Variants in JAML observed in about 807,000 individuals in gnomAD.
JAML encodes the protein junction adhesion molecule like, also known as junctional adhesion molecule-like.
Under a neutral mutation model 39.3 loss-of-function variants are expected in JAML, and 25 were observed. That is an observed-to-expected ratio of 0.64 (90% CI 0.46 to 0.89). JAML has a LOEUF of 0.89. Ranked by LOEUF, JAML falls within the 40% of genes least tolerant of loss-of-function variation. The pLI is 0.00. For synonymous variants in JAML, 162 were observed against 179.2 expected, an observed-to-expected ratio of 0.90 and a Z score of 0.77; for missense variants, 440 against 486.9, an observed-to-expected ratio of 0.90 and a Z score of 0.91.
rs1948761678 is a variant in JAML, at chr11:118,200,474, C to T, written c.911G>A (p.Ser304Asn). 1 of 1,614,046 alleles carries T rather than the reference C, an allele frequency of 6.2e-7. No individual in the cohort carries two copies. The highest frequency in any genetic ancestry group is 1.3e-5 in the African/African-American group (1 of 75,012). Reference protein sequence around the residue: ...LIVKKTCGNKSSVNSTVLVKN... With the variant: ...LIVKKTCGNKNSVNSTVLVKN... ...CCAAGGGGTGGGGGTAGCCCTGTAC[C>T]TCTTATTTCCACAGGTCTTCTTCAC... Residue 304 changes from serine to asparagine, a missense_variant and splice_region_variant, in exon 7 of 10, where the codon AGT becomes AAT. Transcript: ENST00000356289.
chr11:118,196,996 A>T (rs1422495464), intron 8 of JAML, 175 bp from the exon 9 acceptor site: 2 of 568,700 alleles, frequency 3.5e-6, no homozygotes, highest in Non-Finnish European at 6.3e-6. Flanking sequence ...TCTTCTTGAA[A>T]ATTAACTGTC....
chr11:118,196,132 CTT>C (rs748213507), intron 9 of JAML, among the ~76,000 whole-genome samples: 30 of 131,922 alleles, frequency 2.3e-4, no homozygotes, highest in Admixed American at 5.4e-4. Flanking sequence ...CATGCTCGGC[CTT>C]TTTTTTTTTT....
intron 3 of JAML, among the ~76,000 whole-genome samples, chr11:118,210,992 G>A (rs1024402162): frequency 3.3e-5 from 5 of 152,142 alleles, no homozygotes; most frequent in Admixed American, 3.3e-4. Flanking sequence ...ATCACTCTAC[G>A]GTTTTTAACT....
intron 5 of JAML, chr11:118,204,763 C>T (rs977475799): frequency 6.6e-6 from 1 of 152,102 alleles, no homozygotes. Context: ...GTATCTCCTC[C>T]ATCTTGGTTG....
intron 4 of JAML, chr11:118,209,162 GT>G: frequency 3.2e-6 from 1 of 309,226 alleles, no homozygotes; most frequent in Non-Finnish European, 6.4e-6. Flanking sequence ...GCCTCCTTTG[GT>G]TACAGTCTCA....
rs1386814404 is a variant in JAML at position 118,213,160 on chromosome 11, C to T, written c.44-599G>A. ...CCCCTCCAGCTTTGCCATCAGCTTT[C>T]CAGCCTCTAGGTGCTTCACACAGGG... is the stretch of plus-strand genomic sequence containing the variant. On this transcript the variant is annotated intron_variant, in intron 2 of 9. Coordinates refer to ENST00000356289, the MANE Select transcript of JAML (RefSeq NM_001098526.2). 10 of 1,411,854 alleles carry T rather than the reference C, an allele frequency of 7.1e-6. No individual in the cohort carries two copies. In the East Asian group the frequency reaches 2.1e-4, roughly 29 times the overall value. The allele number at this position is 1,411,854 out of a possible 1,614,324, so 87.5% of individuals were successfully genotyped here.
At chr11:118,194,750 CTACATT>C (rs1948618612) in intron 9 of JAML, among the ~76,000 whole-genome samples, 1 of 152,198 alleles carries the variant, frequency 6.6e-6, no homozygotes, top group South Asian at 2.1e-4. Context: ...CAAGGTGCCA[CTACATT>C]TACATGAATT....
At chr11:118,213,285 A>G (rs939051913) in intron 2 of JAML, 16 of 1,081,354 alleles carry the variant, frequency 1.5e-5, no homozygotes, top group African/African-American at 5.0e-5. Context: ...GATATGCTCT[A>G]TGCAAAGAGA....
At chr11:118,194,808 C>T (rs1338736929) in intron 9 of JAML, among the ~76,000 whole-genome samples, 1 of 152,230 alleles carries the variant, frequency 6.6e-6, no homozygotes. Context: ...TTTGTTACCC[C>T]TGCTCCCTAT....
chr11:118,212,279 G>A, intron 3 of JAML, 128 bp downstream of exon 3: 2 of 1,200,664 alleles, frequency 1.7e-6, no homozygotes, highest in Non-Finnish European at 2.3e-6. Context: ...GCCCAGTTCT[G>A]ATAATCTCCA....
In JAML at chr11:118,222,752, C is replaced by T. The variant is rs918959347; in HGVS notation, c.-21+2189G>A. On this transcript the variant is annotated intron_variant, in intron 1 of 9. Coordinates refer to ENST00000356289, the MANE Select transcript of JAML (RefSeq NM_001098526.2). The surrounding 1 kb of genome is among the most constrained non-coding windows in gnomAD (Gnocchi z 4.2). ...TGAATATGGTTTCTGTTAAAGAGAA[C>T]GTAATTTTGTCTAGCTCAGAGGGTT... Among the ~76,000 whole-genome samples, 24 of 152,154 alleles carry T rather than the reference C, an allele frequency of 1.6e-4. No individual in the cohort carries two copies. The highest frequency in any genetic ancestry group is 7.7e-4 in the East Asian group (4 of 5,174).
chr11:118,203,575 C>G lies in JAML; in HGVS notation c.625G>C (p.Val209Leu). Residue 209 changes from valine to leucine, a missense_variant, in exon 6 of 10, where the codon GTG (valine) becomes CTG (leucine). Transcript: ENST00000356289. ...WGHFQNRVNL[V>L]GDIFRNDGSI... ...CCGTCATTGCGGAAAATGTCCCCCA[C>G]CAGGTTCACACGATTCTGGAAGTGG... is the stretch of plus-strand genomic sequence containing the variant. 6.2e-7 allele frequency: 1 copy of G among 1,614,192 alleles called. No individual in the cohort carries two copies. Among genetic ancestry groups the G allele is most frequent in the South Asian group, 1.1e-5 (1 of 91,078 alleles).
chr11:118,207,991 G>A (rs1006793596), intron 4 of JAML, among the ~76,000 whole-genome samples: 3 of 152,198 alleles, frequency 2.0e-5, no homozygotes, highest in Non-Finnish European at 2.9e-5. Flanking sequence ...GCAATTTGGA[G>A]AGGCTGAGAC....
At chr11:118,224,640 C>T (rs1443121441) in intron 1 of JAML, among the ~76,000 whole-genome samples, 1 of 152,170 alleles carries the variant, frequency 6.6e-6, no homozygotes, top group African/African-American at 2.4e-5. Context: ...ACAGCTCCAC[C>T]TAAACCCACG....
At chr11:118,210,399 G>T in intron 4 of JAML, 88 bp downstream of exon 4, 2 of 1,281,290 alleles carry the variant, frequency 1.6e-6, no homozygotes, top group Middle Eastern at 2.7e-4. Flanking sequence ...CCCAAAGGCT[G>T]GCATTTACTC....
At chr11:118,197,365 A>G (rs1448028052) in intron 8 of JAML, 1 of 152,578 alleles carries the variant, frequency 6.6e-6, no homozygotes, top group Non-Finnish European at 1.5e-5. Context: ...AGAGAAAGGT[A>G]ACTATTCAAA....
Position 118,205,975 on chromosome 11 carries a change from C to G in JAML, c.441G>C (p.Val147=). 6.2e-7 allele frequency: 1 copy of G among 1,613,836 alleles called. No homozygotes were observed. Among genetic ancestry groups the G allele is most frequent in the South Asian group, 1.1e-5 (1 of 91,072 alleles). The change falls in exon 5 of 10, where the codon GTG becomes GTC. Residue 147 remains valine (V), a synonymous_variant. Transcript: ENST00000356289. Reference sequence around the variant, plus strand: ...CACATCCCATCTGAATCAATCCACCCACATGGACCATGAGCTCTGAGGATA... The same window carrying G: ...CACATCCCATCTGAATCAATCCACCGACATGGACCATGAGCTCTGAGGATA... The part of the protein sequence containing the change: ...PEEPKELMVH[V]GGLIQMGCVF...
intron 1 of JAML, among the ~76,000 whole-genome samples, chr11:118,218,700 T>G (rs1949174978): frequency 6.6e-6 from 1 of 152,230 alleles, no homozygotes; most frequent in South Asian, 2.1e-4. Context: ...CAAATTCCTA[T>G]CTATATATTC....
chr11:118,209,118 T>G (rs1948988036), intron 4 of JAML: 1 of 324,928 alleles, frequency 3.1e-6, no homozygotes, highest in Non-Finnish European at 6.2e-6. Context: ...TACAGTTGCT[T>G]GCAATACTTT....
Sources: allele counts gnomAD v4.1 joint callset (sites outside exome capture counted in the v4.1 genomes callset), GRCh38; gene constraint gnomAD v4.1.1; non-coding constraint Gnocchi (gnomAD v3.1); transcripts MANE v1.5; gene names NCBI Gene and HGNC (gene_info 2026-07-23, HGNC 2026-07-21).